The following SPTLC2 variants were observed in gnomAD, a reference collection of about 807,000 sequenced individuals.
The protein encoded by SPTLC2 is serine palmitoyltransferase 2.
Under a neutral mutation model 62.0 loss-of-function variants are expected in SPTLC2, and 21 were observed. That is an observed-to-expected ratio of 0.34 (90% confidence interval 0.24 to 0.49). The LOEUF (loss-of-function observed/expected upper bound fraction) is 0.49. Among genes scored for constraint, SPTLC2 ranks in the 20% least tolerant of loss-of-function variants. SPTLC2 has a pLI of 0.99. For synonymous variants in SPTLC2, 261 were observed against 261.8 expected (o/e 1.00, Z 0.03); for missense variants, 511 against 713.0 (o/e 0.72, Z 3.23).
At chr14:77,520,200 T>A (rs182220877) in intron 10 of SPTLC2, among the ~76,000 whole-genome samples, 215 of 152,352 alleles carry the variant, frequency 1.4e-3, no homozygotes, top group African/African-American at 4.8e-3. Flanking sequence ...TGTTTGTTTA[T>A]GAGAATTCCA....
rs10144781 is a variant in SPTLC2 at position 77,554,060 on chromosome 14, C to T, written c.1176+1240G>A. Reference sequence around the variant, plus strand: ...ATTGAACTCCTGGGCTCAAGTAATCCTCCCACTTCAGCCTCTCAAAGTGCT... The same window carrying T: ...ATTGAACTCCTGGGCTCAAGTAATCTTCCCACTTCAGCCTCTCAAAGTGCT... On this transcript the variant is annotated intron_variant, in intron 8 of 11. Coordinates refer to ENST00000216484, the MANE Select transcript of SPTLC2 (RefSeq NM_004863.4). Among the ~76,000 whole-genome samples the T allele has an allele frequency of 3.7e-3, 560 of 152,244 alleles. 7 individuals carry two copies. The highest frequency in any genetic ancestry group is 0.012 in the African/African-American group (518 of 41,556).
At chr14:77,529,258 T>C (rs867329425) in intron 9 of SPTLC2, among the ~76,000 whole-genome samples, 12,278 of 139,828 alleles carry the variant, frequency 0.088, 664 homozygotes, top group African/African-American at 0.19. Flanking sequence ...TTCTTCTTTT[T>C]TTTTTTTTTT....
chr14:77,597,522 C>G (rs1468450248), intron 1 of SPTLC2, 142 bp from the exon 2 acceptor site: 1 of 757,948 alleles, frequency 1.3e-6, no homozygotes, highest in Non-Finnish European at 2.2e-6. Context: ...CACCTGTAAT[C>G]CCAGCACTTT....
At chr14:77,549,301 T>C (rs1348363002) in intron 9 of SPTLC2, among the ~76,000 whole-genome samples, 1 of 151,882 alleles carries the variant, frequency 6.6e-6, no homozygotes, top group East Asian at 1.9e-4. Context: ...CCCCACCCCT[T>C]CAATCCGGGA....
chr14:77,598,106 G>C (rs1171815941), intron 1 of SPTLC2, among the ~76,000 whole-genome samples: 1 of 130,542 alleles, frequency 7.7e-6, no homozygotes, highest in African/African-American at 2.8e-5. Context: ...TGGGAAATAA[G>C]AGCGAAACCC....
At chr14:77,589,354 T>G (rs2079802279) in intron 2 of SPTLC2, among the ~76,000 whole-genome samples, 1 of 152,060 alleles carries the variant, frequency 6.6e-6, no homozygotes, top group Non-Finnish European at 1.5e-5. Context: ...TTTTCCTACA[T>G]CTAAAACAGT....
intron 1 of SPTLC2, among the ~76,000 whole-genome samples, chr14:77,612,878 T>C (rs1179965290): frequency 2.0e-5 from 3 of 152,186 alleles, no homozygotes; most frequent in Admixed American, 6.5e-5. Flanking sequence ...ATCCTTCTAA[T>C]ATCTCATTAA....
Position 77,614,615 on chromosome 14 carries a change from G to A in SPTLC2, c.132+1833C>T, listed in dbSNP as rs2079955650. Among the ~76,000 whole-genome samples, 11 of 151,124 alleles carry A rather than the reference G, an allele frequency of 7.3e-5. No homozygotes were observed. The South Asian group carries it at 2.3e-3, about 32-fold the overall frequency. ...GGAGGTAGAGCTTGCAGTGAGCCGA[G>A]ATCGCGCCACTGCACTCCAGCCTGG... On this transcript the variant is annotated intron_variant, in intron 1 of 11. Transcript: ENST00000216484.
At chr14:77,577,019 C>A in intron 3 of SPTLC2, 104 bp from the exon 4 acceptor site, 1 of 1,333,270 alleles carries the variant, frequency 7.5e-7, no homozygotes, top group South Asian at 1.2e-5. Flanking sequence ...AGAACAAAGT[C>A]TATATTAAAA....
At position 77,506,222 on chromosome 14, in the gene SPTLC2, T is replaced by G. The variant is rs1021738925; in HGVS notation, c.*6062A>C. On this transcript the variant is annotated 3_prime_UTR_variant, in exon 12 of 12. Coordinates refer to ENST00000216484, the MANE Select transcript of SPTLC2 (RefSeq NM_004863.4). The stretch of plus-strand genomic sequence containing the variant: ...AAACAGGGTAAGAGAGAGTGACATT[T>G]TAACACATTACTAAAATGTTTAAGC... 2.6e-5 allele frequency: 4 copies of G among 152,220 alleles called. No homozygotes were observed. The highest frequency in any genetic ancestry group is 9.7e-5 in the African/African-American group (4 of 41,450). 9.4% of individuals were successfully genotyped at this position (152,220 alleles called of 1,614,324 possible). A position where few individuals can be genotyped will look rare whatever the true frequency, so the allele number is the denominator to read the frequency against.
At chr14:77,582,679 G>C (rs1037425021) in intron 2 of SPTLC2, among the ~76,000 whole-genome samples, 6 of 152,202 alleles carry the variant, frequency 3.9e-5, no homozygotes, top group African/African-American at 1.4e-4. Context: ...ACAAAGAATT[G>C]TGCCTGCCAT....
At chr14:77,609,317 C>T (rs2079922323) in intron 1 of SPTLC2, among the ~76,000 whole-genome samples, 2 of 152,144 alleles carry the variant, frequency 1.3e-5, no homozygotes, top group African/African-American at 4.8e-5. Context: ...TAGTATTCTC[C>T]TGCATGTATT....
At chr14:77,590,841 C>A (rs2079811932) in intron 2 of SPTLC2, among the ~76,000 whole-genome samples, 1 of 152,100 alleles carries the variant, frequency 6.6e-6, no homozygotes, top group Non-Finnish European at 1.5e-5. Flanking sequence ...CTGGGTAGAA[C>A]AGAGGATAAA....
At chr14:77,538,595 G>C (rs548985846) in intron 9 of SPTLC2, among the ~76,000 whole-genome samples, 4 of 152,142 alleles carry the variant, frequency 2.6e-5, no homozygotes, top group Admixed American at 6.5e-5. Flanking sequence ...TTTTGAGACA[G>C]AGTCTTGCTC....
Position 77,511,996 on chromosome 14 carries a change from G to A in SPTLC2, c.*288C>T, listed in dbSNP as rs187745450. ...TAGCCAGAGACAGGCTAGGGTCAGC[G>A]TGATTTCACAAGTAGAATGGTTGCA... On this transcript the variant is annotated 3_prime_UTR_variant, in exon 12 of 12. Coordinates refer to ENST00000216484, the MANE Select transcript of SPTLC2 (RefSeq NM_004863.4). 1.1e-3 allele frequency: 447 copies of A among 400,626 alleles called. 8 individuals are homozygous for A. Among genetic ancestry groups the A allele is most frequent in the South Asian group, 7.1e-3 (333 of 46,974 alleles). 24.8% of individuals were successfully genotyped at this position (400,626 alleles called of 1,614,324 possible).
At chr14:77,569,818 G>GT in intron 5 of SPTLC2, among the ~76,000 whole-genome samples, 1 of 39,382 alleles carries the variant, frequency 2.5e-5, no homozygotes, top group Admixed American at 2.8e-4. Flanking sequence ...ATACATATAT[G>GT]TTATATATAT....
intron 9 of SPTLC2, among the ~76,000 whole-genome samples, chr14:77,542,053 T>A (rs1468582903): frequency 1.4e-5 from 2 of 142,734 alleles, no homozygotes; most frequent in African/African-American, 5.4e-5. Flanking sequence ...TGAGACAGAC[T>A]CTGTGTCCGG....
chr14:77,591,508 T>C (rs1438642672), intron 2 of SPTLC2, among the ~76,000 whole-genome samples: 1 of 152,204 alleles, frequency 6.6e-6, no homozygotes, highest in Non-Finnish European at 1.5e-5. Context: ...AGACTACTGC[T>C]GTCCTGTGCC....
chr14:77,530,340 T>C (rs2079432027), intron 9 of SPTLC2, among the ~76,000 whole-genome samples: 1 of 152,122 alleles, frequency 6.6e-6, no homozygotes, highest in South Asian at 2.1e-4. Flanking sequence ...ATTTATTTAT[T>C]TATTTTGAGA....
Sources: gnomAD v4.1 joint callset for allele counts (sites outside exome capture counted in the v4.1 genomes callset) on GRCh38, gnomAD v4.1.1 for gene constraint, MANE v1.5 for transcripts, NCBI Gene and HGNC (gene_info 2026-07-23, HGNC 2026-07-21) for gene names.